Variants in CCDC178 observed in about 807,000 individuals in gnomAD.
CCDC178 encodes the protein coiled-coil domain-containing protein 178.
CCDC178 carries 126 observed loss-of-function variants against 117.4 expected under a neutral mutation model. The observed-to-expected ratio is 1.07, with a 90% confidence interval of 0.93 to 1.24. CCDC178 has a LOEUF of 1.24. Among genes scored for constraint, CCDC178 ranks in the 50% most tolerant of loss-of-function variants. The pLI, the probability that CCDC178 is intolerant of heterozygous loss-of-function variation, is 0.00. For synonymous variants in CCDC178, 283 were observed against 313.4 expected (o/e 0.90, Z 1.02); for missense variants, 1,030 against 986.9 (o/e 1.04, Z -0.59).
intron 6 of CCDC178, among the ~76,000 whole-genome samples, chr18:33,360,754 T>A (rs2063114185): frequency 6.6e-6 from 1 of 151,654 alleles, no homozygotes; most frequent in Non-Finnish European, 1.5e-5. Flanking sequence ...ATCCCATTTA[T>A]AACAGCATAA....
chr18:33,225,567 A>C (rs1046416295), intron 16 of CCDC178, among the ~76,000 whole-genome samples: 1 of 152,196 alleles, frequency 6.6e-6, no homozygotes, highest in Non-Finnish European at 1.5e-5. Flanking sequence ...CCAGCCCAAA[A>C]TGTCAAAATC....
At chr18:33,053,111 G>A (rs943838577) in intron 21 of CCDC178, among the ~76,000 whole-genome samples, 2 of 152,174 alleles carry the variant, frequency 1.3e-5, no homozygotes, top group Non-Finnish European at 2.9e-5. Context: ...ATATTAGCAA[G>A]AGCAATGTGA....
rs142324863 is a variant in CCDC178 at position 33,176,272 on chromosome 18, G to A, written c.2238+35624C>T. ...CAGTCTGACACTCTTAGAGTGCTTC[G>A]GCTTCCTCAAAGATTATATCCATAG... On this transcript the variant is annotated intron_variant, in intron 20 of 22. Transcript: ENST00000383096. Among the ~76,000 whole-genome samples, 293 of 152,048 alleles carry A rather than the reference G, an allele frequency of 1.9e-3. 1 individual carries two copies. Among genetic ancestry groups the A allele is most frequent in the African/African-American group, 6.4e-3 (267 of 41,482 alleles).
chr18:33,089,699 G>C (rs2057433980), intron 21 of CCDC178, among the ~76,000 whole-genome samples: 1 of 152,144 alleles, frequency 6.6e-6, no homozygotes, highest in African/African-American at 2.4e-5. Flanking sequence ...TTACCTTTCT[G>C]TGCAGGCACA....
chr18:33,330,775 T>C (rs2062656932), intron 10 of CCDC178, among the ~76,000 whole-genome samples: 1 of 152,130 alleles, frequency 6.6e-6, no homozygotes, highest in South Asian at 2.1e-4. Context: ...CAGGATTCCT[T>C]CTTGCTCAGA....
chr18:33,132,652 C>T (rs1161722525), intron 20 of CCDC178, among the ~76,000 whole-genome samples: 1 of 151,518 alleles, frequency 6.6e-6, no homozygotes, highest in Non-Finnish European at 1.5e-5. Flanking sequence ...TGGTACTTTT[C>T]TCTCAATATA....
chr18:33,265,367 CA>C (rs2059799815), intron 14 of CCDC178, among the ~76,000 whole-genome samples: 2 of 151,876 alleles, frequency 1.3e-5, no homozygotes, highest in Admixed American at 1.3e-4. Flanking sequence ...ATCAAATATT[CA>C]TACACAAAAA....
At chr18:33,181,571 G>A (rs1422637884) in intron 20 of CCDC178, among the ~76,000 whole-genome samples, 1 of 151,864 alleles carries the variant, frequency 6.6e-6, no homozygotes, top group Non-Finnish European at 1.5e-5. Context: ...ATAAAGTTGA[G>A]CGTTGAATTT....
chr18:33,266,873 A>G, intron 14 of CCDC178, 43 bp downstream of exon 14: 1 of 1,440,336 alleles, frequency 6.9e-7, no homozygotes, highest in Non-Finnish European at 9.4e-7. Context: ...TATTTAACAT[A>G]TTGGATTATG....
chr18:33,101,125 C>T (rs1419242067), intron 20 of CCDC178, among the ~76,000 whole-genome samples: 1 of 151,276 alleles, frequency 6.6e-6, no homozygotes, highest in African/African-American at 2.4e-5. Flanking sequence ...ATTTTTAATC[C>T]TGAATATATT....
intron 21 of CCDC178, among the ~76,000 whole-genome samples, chr18:33,034,338 C>A (rs948784260): frequency 6.6e-5 from 10 of 151,996 alleles, no homozygotes; most frequent in African/African-American, 1.7e-4. Flanking sequence ...AAGGGCTTTT[C>A]TTAAAATGAA....
At position 33,178,634 on chromosome 18, in the gene CCDC178, G is replaced by A. The variant is rs191110226; in HGVS notation, c.2238+33262C>T. On this transcript the variant is annotated intron_variant, in intron 20 of 22. Coordinates refer to ENST00000383096, the MANE Select transcript of CCDC178 (RefSeq NM_001105528.4). ...CGAAGGTCTCCCACTACATGGCCAT[G>A]CTGACTTTTACTTTTGGCTGACCTG... 1.1e-3 allele frequency among the ~76,000 whole-genome samples: 172 copies of A among 152,196 alleles called. 1 individual carries two copies. Among genetic ancestry groups the A allele is most frequent in the African/African-American group, 4.0e-3 (166 of 41,528 alleles).
intron 9 of CCDC178, among the ~76,000 whole-genome samples, chr18:33,342,722 G>A (rs917824086): frequency 6.6e-6 from 1 of 152,182 alleles, no homozygotes; most frequent in Non-Finnish European, 1.5e-5. Flanking sequence ...GCCTGAAGAA[G>A]AGCTTCCCTA....
At chr18:33,154,452 A>G (rs1568021747) in intron 20 of CCDC178, among the ~76,000 whole-genome samples, 1 of 152,188 alleles carries the variant, frequency 6.6e-6, no homozygotes, top group Non-Finnish European at 1.5e-5. Context: ...AGCTGTTATA[A>G]ATACAGTCAA....
intron 21 of CCDC178, among the ~76,000 whole-genome samples, chr18:33,069,140 T>C (rs932093929): frequency 1.3e-5 from 2 of 152,104 alleles, no homozygotes; most frequent in African/African-American, 4.8e-5. Flanking sequence ...AATGTAATCC[T>C]TATCAAAATA....
At chr18:33,307,393 G>T (rs2062270548) in intron 11 of CCDC178, among the ~76,000 whole-genome samples, 1 of 152,134 alleles carries the variant, frequency 6.6e-6, no homozygotes, top group East Asian at 1.9e-4. Context: ...ATGGCTTTTT[G>T]GCCCTGCCAT....
Position 33,370,122 on chromosome 18 carries a change from T to C in CCDC178, c.276A>G (p.Pro92=), listed in dbSNP as rs2063276179. ...AAATCATTTTGTTGACACAAGGTGC[T>C]GGAATATTTACTACGGCACAGCTGT... ...RRHSCAVVNI[P]APCVNKMISH... The change falls in exon 6 of 23, where the codon CCA becomes CCG. Residue 92 remains proline (P), a synonymous_variant. Transcript: ENST00000383096. The C allele has an allele frequency of 6.2e-7, 1 of 1,606,618 alleles. No homozygotes were observed. Among genetic ancestry groups the C allele is most frequent in the African/African-American group, 1.3e-5 (1 of 74,442 alleles).
intron 15 of CCDC178, among the ~76,000 whole-genome samples, chr18:33,235,748 G>T (rs144469899): frequency 1.3e-5 from 2 of 152,084 alleles, no homozygotes; most frequent in African/African-American, 4.8e-5. Flanking sequence ...CTTAACAACT[G>T]GTGAAAGCTC....
At chr18:33,379,102 TATATATATTTCC>T (rs891773243) in intron 5 of CCDC178, among the ~76,000 whole-genome samples, 5 of 8,306 alleles carry the variant, frequency 6.0e-4, no homozygotes, top group African/African-American at 6.6e-4. Context: ...TTGCCGTATA[TATATATATTTCC>T]ATATATATAT....
Sources: gnomAD v4.1 joint callset for allele counts (sites outside exome capture counted in the v4.1 genomes callset) on GRCh38, gnomAD v4.1.1 for gene constraint, MANE v1.5 for transcripts, NCBI Gene and HGNC (gene_info 2026-07-23, HGNC 2026-07-21) for gene names.